SLA: variants seen among roughly 807,000 people sequenced by gnomAD.
SLA encodes the protein Src like adaptor.
SLA carries 16 observed loss-of-function variants against 30.3 expected under a neutral mutation model. That is an observed-to-expected ratio of 0.53 (90% confidence interval 0.36 to 0.80). The LOEUF is 0.80. Among genes scored for constraint, SLA ranks in the 30% least tolerant of loss-of-function variants. SLA has a pLI of 0.01. For missense variants in SLA, 310 were observed against 345.2 expected (o/e 0.90, Z 0.81); for synonymous variants, 143 against 137.8 (o/e 1.04, Z -0.26).
chr8:133,064,901 G>A lies in SLA; in HGVS notation c.-40-4701C>T, dbSNP rs79167208. Among the ~76,000 whole-genome samples the A allele has an allele frequency of 3.8e-3, 578 of 152,198 alleles. 3 individuals are homozygous for A. Among genetic ancestry groups the A allele is most frequent in the East Asian group, 0.017 (89 of 5,154 alleles). On this transcript the variant is annotated intron_variant, in intron 2 of 8. Coordinates refer to ENST00000338087, the MANE Select transcript of SLA (RefSeq NM_001045556.3). ...GGAGGGTAGCCCGAACCCCTTTATC[G>A]TGCACCGAAGGGGAGACAAATTGAG... is the stretch of plus-strand genomic sequence containing the variant.
chr8:133,069,084 C>T (rs1011014593), intron 2 of SLA, among the ~76,000 whole-genome samples: 1 of 152,230 alleles, frequency 6.6e-6, no homozygotes, highest in South Asian at 2.1e-4. Context: ...CTTTTCTTTT[C>T]ATTTCAAATG....
At chr8:133,057,193 T>G (rs994746627) in intron 3 of SLA, among the ~76,000 whole-genome samples, 2 of 145,998 alleles carry the variant, frequency 1.4e-5, no homozygotes, top group African/African-American at 5.5e-5. Flanking sequence ...CCTCTTCAGG[T>G]CAGGGTGATA....
rs1310970835 is a variant in SLA at position 133,037,573 on chromosome 8, T to C, written c.*951A>G. On this transcript the variant is annotated 3_prime_UTR_variant, in exon 9 of 9. Coordinates refer to ENST00000338087, the MANE Select transcript of SLA (RefSeq NM_001045556.3). ...TGAGCTGATTTCTCTTTTTACACAT[T>C]TGTTTATACATTTTTTCCCTGTCTA... The C allele has an allele frequency of 6.6e-6, 1 of 152,172 alleles. No individual in the cohort carries two copies. Among genetic ancestry groups the C allele is most frequent in the Non-Finnish European group, 1.5e-5 (1 of 68,030 alleles). 9.4% of individuals were successfully genotyped at this position (152,172 alleles called of 1,614,324 possible).
At chr8:133,067,322 T>C (rs886791517) in intron 2 of SLA, among the ~76,000 whole-genome samples, 8 of 151,934 alleles carry the variant, frequency 5.3e-5, no homozygotes, top group African/African-American at 1.9e-4. Context: ...GCTTCTCCTT[T>C]CTCTACACTG....
At chr8:133,040,464 AC>A (rs1838009577) in intron 7 of SLA, 6 of 281,190 alleles carry the variant, frequency 2.1e-5, no homozygotes, top group African/African-American at 8.6e-5. Flanking sequence ...CCTTTCTTCA[AC>A]TGCAGAATGA....
intron 1 of SLA, among the ~76,000 whole-genome samples, chr8:133,097,645 G>C (rs1848623360): frequency 6.6e-6 from 1 of 152,174 alleles, no homozygotes; most frequent in Admixed American, 6.5e-5. Context: ...GTGTATATTT[G>C]TATGTTTTTC....
intron 1 of SLA, among the ~76,000 whole-genome samples, chr8:133,093,872 T>C (rs1057160895): frequency 2.0e-5 from 3 of 152,234 alleles, no homozygotes; most frequent in African/African-American, 4.8e-5. Flanking sequence ...AACCGACTTA[T>C]ACAATTGCTG....
Position 133,095,786 on chromosome 8 carries a change from C to T in SLA, c.-319+6767G>A, listed in dbSNP as rs12677481. Reference sequence around the variant, plus strand: ...TGGCCTGATCGCCTTAGCAATGAGTCTGGACTCACAGAATTGGAGCAGGTC... The same window carrying T: ...TGGCCTGATCGCCTTAGCAATGAGTTTGGACTCACAGAATTGGAGCAGGTC... On this transcript the variant is annotated intron_variant, in intron 1 of 8. Coordinates refer to ENST00000338087, the MANE Select transcript of SLA (RefSeq NM_001045556.3). Among the ~76,000 whole-genome samples the T allele has an allele frequency of 3.1e-3, 474 of 152,336 alleles. 25 individuals carry two copies. The East Asian group carries it at 0.082, about 26-fold the overall frequency.
At chr8:133,045,509 C>T (rs921785074) in intron 6 of SLA, among the ~76,000 whole-genome samples, 1 of 151,090 alleles carries the variant, frequency 6.6e-6, no homozygotes, top group South Asian at 2.1e-4. Flanking sequence ...ATCCTCCCAC[C>T]TCAGCCTCCA....
chr8:133,078,825 G>A (rs1441322136), intron 1 of SLA, among the ~76,000 whole-genome samples: 1 of 152,214 alleles, frequency 6.6e-6, no homozygotes, highest in Admixed American at 6.5e-5. Context: ...GACAGACGGG[G>A]AGAGAATTCT....
chr8:133,080,978 C>T (rs1171454915), intron 1 of SLA, among the ~76,000 whole-genome samples: 3 of 152,220 alleles, frequency 2.0e-5, no homozygotes, highest in African/African-American at 4.8e-5. Flanking sequence ...GGACACATTG[C>T]GTATTGGAGT....
At chr8:133,039,790 C>T (rs570386527) in intron 8 of SLA, among the ~76,000 whole-genome samples, 5 of 152,314 alleles carry the variant, frequency 3.3e-5, no homozygotes, top group South Asian at 2.1e-4. Flanking sequence ...CCACACACCT[C>T]GTGAGGCCTG....
intron 1 of SLA, among the ~76,000 whole-genome samples, chr8:133,075,569 C>T (rs1018977093): frequency 1.8e-4 from 27 of 152,260 alleles, no homozygotes; most frequent in African/African-American, 4.1e-4. Context: ...TGTGGTTATG[C>T]GGGAGAACGT....
chr8:133,057,079 C>G (rs1054384168), intron 3 of SLA, among the ~76,000 whole-genome samples: 2 of 152,046 alleles, frequency 1.3e-5, no homozygotes, highest in South Asian at 2.1e-4. Flanking sequence ...CTTCCTTCCC[C>G]GAGCCCCACC....
At chr8:133,084,794 A>G (rs2131560582) in intron 1 of SLA, among the ~76,000 whole-genome samples, 1 of 152,340 alleles carries the variant, frequency 6.6e-6, no homozygotes, top group South Asian at 2.1e-4. Flanking sequence ...GTGCCTCCAC[A>G]GGCAAGGGGG....
At chr8:133,054,862 T>C (rs1841080100) in intron 3 of SLA, among the ~76,000 whole-genome samples, 1 of 152,208 alleles carries the variant, frequency 6.6e-6, no homozygotes, top group Non-Finnish European at 1.5e-5. Flanking sequence ...GGCCCTTTTG[T>C]AAACTGTCAT....
At chr8:133,059,192 C>G (rs1297040968) in intron 3 of SLA, 2 of 452,340 alleles carry the variant, frequency 4.4e-6, no homozygotes, top group African/African-American at 4.0e-5. Context: ...TGTGGTCACC[C>G]CTGCGAGGAA....
At chr8:133,043,472 A>T (rs141835275) in intron 7 of SLA, among the ~76,000 whole-genome samples, 1 of 152,332 alleles carries the variant, frequency 6.6e-6, no homozygotes, top group Non-Finnish European at 1.5e-5. Context: ...CGGATATCAC[A>T]AGTAATATGT....
chr8:133,051,352 C>A (rs1840369282), intron 3 of SLA, among the ~76,000 whole-genome samples: 1 of 152,164 alleles, frequency 6.6e-6, no homozygotes, highest in African/African-American at 2.4e-5. Context: ...AAAAACCCCC[C>A]TTCTCACTAC....
Sources: allele counts gnomAD v4.1 joint callset (sites outside exome capture counted in the v4.1 genomes callset), GRCh38; gene constraint gnomAD v4.1.1; transcripts MANE v1.5; gene names NCBI Gene and HGNC (gene_info 2026-07-23, HGNC 2026-07-21).